Variants in PDE4D observed in about 807,000 individuals in gnomAD.
PDE4D encodes phosphodiesterase 4D.
Under a neutral mutation model 87.4 loss-of-function variants are expected in PDE4D, and 24 were observed. That is an observed-to-expected ratio of 0.27 (90% confidence interval 0.20 to 0.39). The LOEUF is 0.39. Among genes scored for constraint, PDE4D ranks in the 10% least tolerant of loss-of-function variants. PDE4D has a pLI of 1.00. For missense variants in PDE4D, 714 were observed against 1,041.0 expected (o/e 0.69, Z 4.32); for synonymous variants, 384 against 383.2 (o/e 1.00, Z -0.02).
At chr5:60,421,112 G>A (rs2150087534) in intron 1 of PDE4D, among the ~76,000 whole-genome samples, 2 of 152,378 alleles carry the variant, frequency 1.3e-5, no homozygotes, top group Admixed American at 1.3e-4. Flanking sequence ...GCAGGGCATA[G>A]CTGAACAAAA....
chr5:59,401,043 T>G (rs574062770), intron 1 of PDE4D, among the ~76,000 whole-genome samples: 1 of 152,364 alleles, frequency 6.6e-6, no homozygotes, highest in South Asian at 2.1e-4. Context: ...ACTCCTTTGC[T>G]GATGGTTCAG....
chr5:59,574,026 AT>A (rs1446290366), intron 1 of PDE4D, among the ~76,000 whole-genome samples: 10 of 122,438 alleles, frequency 8.2e-5, no homozygotes, highest in Non-Finnish European at 8.1e-5. Context: ...ATATATATAT[AT>A]AAAAATATAT....
intron 1 of PDE4D, among the ~76,000 whole-genome samples, chr5:59,280,119 C>T (rs1765549989): frequency 6.6e-6 from 1 of 152,006 alleles, no homozygotes; most frequent in African/African-American, 2.4e-5. Context: ...GCATATATGA[C>T]AACATCATGA....
chr5:59,157,053 G>GT (rs756437288), intron 5 of PDE4D: 178 of 319,216 alleles, frequency 5.6e-4, no homozygotes, highest in Non-Finnish European at 8.9e-4. Context: ...CATGTATGTT[G>GT]TTTTTTCCCG....
At chr5:60,438,527 G>C (rs941768271) in intron 1 of PDE4D, among the ~76,000 whole-genome samples, 4 of 152,014 alleles carry the variant, frequency 2.6e-5, no homozygotes, top group Non-Finnish European at 5.9e-5. Flanking sequence ...GTCTAGTACT[G>C]AGCCTGGCAT....
At position 60,089,061 on chromosome 5, in the gene PDE4D, G is replaced by A. The variant is rs1361947380; in HGVS notation, c.42+96496C>T. On this transcript the variant is annotated intron_variant, in intron 2 of 16. Coordinates refer to the PDE4D transcript ENST00000502484. ...CAGATAAAACAGACCTTAAGTCAAG[G>A]ACAGTTAAAAACAACAGAGAAGGCA... 3.3e-5 allele frequency among the ~76,000 whole-genome samples: 5 copies of A among 151,878 alleles called. No individual in the cohort carries two copies. In the East Asian group the frequency reaches 5.8e-4, roughly 18 times the overall value.
At chr5:60,174,727 T>G (rs1042711904) in intron 2 of PDE4D, among the ~76,000 whole-genome samples, 1 of 152,136 alleles carries the variant, frequency 6.6e-6, no homozygotes, top group Non-Finnish European at 1.5e-5. Flanking sequence ...TTTAAAGATG[T>G]CATTCCTTTT....
chr5:59,254,338 T>C (rs1354166874), intron 1 of PDE4D, among the ~76,000 whole-genome samples: 1 of 152,070 alleles, frequency 6.6e-6, no homozygotes, highest in Non-Finnish European at 1.5e-5. Context: ...GCTTTTGATG[T>C]GGATTGATTT....
chr5:59,804,174 C>A (rs1767478361), intron 1 of PDE4D, among the ~76,000 whole-genome samples: 1 of 152,156 alleles, frequency 6.6e-6, no homozygotes, highest in African/African-American at 2.4e-5. Context: ...TATTTCTCAA[C>A]TTCTCCCAAT....
chr5:60,374,332 G>A (rs1724587993), intron 1 of PDE4D, among the ~76,000 whole-genome samples: 1 of 152,116 alleles, frequency 6.6e-6, no homozygotes, highest in Non-Finnish European at 1.5e-5. Context: ...TAGAAAGAAG[G>A]GAGGAGAAAA....
At chr5:59,419,203 A>T (rs2153626351) in intron 1 of PDE4D, among the ~76,000 whole-genome samples, 1 of 152,252 alleles carries the variant, frequency 6.6e-6, no homozygotes, top group East Asian at 1.9e-4. Context: ...AGCTGGTGGT[A>T]GGTGTTTGGT....
intron 6 of PDE4D, among the ~76,000 whole-genome samples, chr5:59,009,360 C>T (rs1260927506): frequency 1.3e-5 from 2 of 151,772 alleles, no homozygotes; most frequent in African/African-American, 4.8e-5. Flanking sequence ...AAATTGTGTC[C>T]ATAAAATGAC....
At chr5:59,153,102 CT>C (rs1345795421) in intron 5 of PDE4D, among the ~76,000 whole-genome samples, 1 of 152,120 alleles carries the variant, frequency 6.6e-6, no homozygotes, top group African/African-American at 2.4e-5. Context: ...CCCACCACCT[CT>C]CTCGACATTC....
intron 1 of PDE4D, among the ~76,000 whole-genome samples, chr5:59,420,030 A>C (rs1794224184): frequency 1.3e-5 from 2 of 152,286 alleles, no homozygotes; most frequent in African/African-American, 4.8e-5. Flanking sequence ...GGGCATCTGG[A>C]ATTGCTCTAT....
chr5:59,464,070 A>C (rs1029342747), intron 1 of PDE4D, among the ~76,000 whole-genome samples: 1 of 152,216 alleles, frequency 6.6e-6, no homozygotes, highest in African/African-American at 2.4e-5. Context: ...ACCCAGGGAC[A>C]CAAAAACTGC....
rs900366938 is a variant in PDE4D at position 58,971,641 on chromosome 5, A to G, written c.*3023T>C. 3.9e-5 allele frequency: 6 copies of G among 152,566 alleles called. No individual in the cohort carries two copies. Among genetic ancestry groups the G allele is most frequent in the African/African-American group, 1.4e-4 (6 of 41,432 alleles). The allele number at this position is 152,566 out of a possible 1,614,324, so 9.5% of individuals were successfully genotyped here. A position where few individuals can be genotyped will look rare whatever the true frequency, so the allele number is the denominator to read the frequency against. ...TCCTTGTCTGTAATTTGTTCTATCT[A>G]CATTATTGTGAATTTTAACTGATAT... On this transcript the variant is annotated 3_prime_UTR_variant, in exon 15 of 15. Coordinates refer to ENST00000340635, the MANE Select transcript of PDE4D (RefSeq NM_001104631.2).
At chr5:59,704,620 C>T (rs560706387) in intron 1 of PDE4D, among the ~76,000 whole-genome samples, 3 of 152,312 alleles carry the variant, frequency 2.0e-5, no homozygotes, top group African/African-American at 2.4e-5. Flanking sequence ...GATTGCTTTG[C>T]TATAATTCCT....
intron 1 of PDE4D, among the ~76,000 whole-genome samples, chr5:60,310,258 T>A (rs909610307): frequency 6.6e-6 from 1 of 152,194 alleles, no homozygotes; most frequent in Non-Finnish European, 1.5e-5. Flanking sequence ...ACCAGCATTT[T>A]AAAAAATCAC....
At chr5:59,584,770 G>T (rs1824812883) in intron 1 of PDE4D, among the ~76,000 whole-genome samples, 1 of 152,090 alleles carries the variant, frequency 6.6e-6, no homozygotes, top group African/African-American at 2.4e-5. Context: ...TTGTAGCAAG[G>T]TACACTTGAT....
Sources: gnomAD v4.1 joint callset for allele counts (sites outside exome capture counted in the v4.1 genomes callset) on GRCh38, gnomAD v4.1.1 for gene constraint, MANE v1.5 for transcripts, NCBI Gene and HGNC (gene_info 2026-07-23, HGNC 2026-07-21) for gene names.